The following GNA14 variants were observed in gnomAD, a reference collection of about 807,000 sequenced individuals.
GNA14 encodes the protein G protein subunit alpha 14.
GNA14 carries 50 observed loss-of-function variants against 42.0 expected under a neutral mutation model. The observed-to-expected ratio is 1.19, with a 90% CI of 0.95 to 1.51. The LOEUF (loss-of-function observed/expected upper bound fraction) is 1.51. GNA14 is among the 40% of genes most tolerant of loss of function. The probability of loss-of-function intolerance (pLI) is 0.00; values close to 1 mark genes in which losing one functional copy is unlikely to be tolerated. For synonymous variants in GNA14, 173 were observed against 163.1 expected (o/e 1.06, Z -0.46); for missense variants, 473 against 446.2 (o/e 1.06, Z -0.54).
chr9:77,646,440 C>T (rs1023044391), intron 1 of GNA14, among the ~76,000 whole-genome samples: 5 of 151,994 alleles, frequency 3.3e-5, no homozygotes, highest in African/African-American at 9.7e-5. Context: ...GGGCACACCC[C>T]CCCCCAACCC....
At chr9:77,541,723 C>T (rs1223262837) in intron 1 of GNA14, among the ~76,000 whole-genome samples, 3 of 151,720 alleles carry the variant, frequency 2.0e-5, no homozygotes, top group Non-Finnish European at 4.4e-5. Flanking sequence ...AAAGGCTTTG[C>T]ACTTTCTTTT....
intron 2 of GNA14, among the ~76,000 whole-genome samples, chr9:77,481,006 GATTC>G (rs1392865025): frequency 1.3e-5 from 2 of 151,950 alleles, no homozygotes; most frequent in Admixed American, 6.6e-5. Flanking sequence ...TCAGCTCCTG[GATTC>G]ATTAATTTTT....
intron 1 of GNA14, among the ~76,000 whole-genome samples, chr9:77,627,944 G>A (rs935132700): frequency 2.0e-5 from 3 of 152,202 alleles, no homozygotes; most frequent in Non-Finnish European, 1.5e-5. Context: ...AAGACAGGAA[G>A]TCAAATTGGC....
Position 77,626,697 on chromosome 9 carries a change from A to C in GNA14, c.124+20973T>G, listed in dbSNP as rs571891584. Among the ~76,000 whole-genome samples, 18 of 152,326 alleles carry C rather than the reference A, an allele frequency of 1.2e-4. No individual in the cohort carries two copies. The South Asian group carries it at 1.2e-3, about 11-fold the overall frequency. On this transcript the variant is annotated intron_variant, in intron 1 of 6. Transcript: ENST00000341700. ...TAAGTTATTTGAAAGCAATGAGTAC[A>C]CACAATGTACCAGAATCTCTGGGAT... is the stretch of plus-strand genomic sequence containing the variant.
intron 1 of GNA14, among the ~76,000 whole-genome samples, chr9:77,553,196 G>T (rs548435887): frequency 6.6e-6 from 1 of 152,216 alleles, no homozygotes. Context: ...TACTCCCCCA[G>T]CCCAGTTCTT....
At chr9:77,606,777 C>G (rs1823651153) in intron 1 of GNA14, among the ~76,000 whole-genome samples, 2 of 152,150 alleles carry the variant, frequency 1.3e-5, no homozygotes, top group Admixed American at 6.5e-5. Context: ...GTTTATGTCC[C>G]TCCCAAAGGT....
intron 1 of GNA14, among the ~76,000 whole-genome samples, chr9:77,544,829 A>G (rs1255265006): frequency 1.3e-5 from 2 of 152,218 alleles, no homozygotes; most frequent in African/African-American, 4.8e-5. Context: ...GCTTCTGAAA[A>G]TTAACATTTT....
intron 1 of GNA14, among the ~76,000 whole-genome samples, chr9:77,644,437 CAA>C (rs764737417): frequency 1.5e-3 from 52 of 34,008 alleles, no homozygotes; most frequent in South Asian, 0.012. Context: ...TAAAGAGTGT[CAA>C]AAAAAAAAAA....
Position 77,617,935 on chromosome 9 carries a change from G to C in GNA14, c.124+29735C>G, listed in dbSNP as rs1435191212. Among the ~76,000 whole-genome samples, 3 of 152,072 alleles carry C rather than the reference G, an allele frequency of 2.0e-5. No homozygotes were observed. In the East Asian group the frequency reaches 5.8e-4, roughly 29 times the overall value. ...GCAAAATTAGGCCCACCAGTTCCCA[G>C]GTCTCCAGCCTCCACTCTCTAATCT... On this transcript the variant is annotated intron_variant, in intron 1 of 6. Coordinates refer to ENST00000341700, the MANE Select transcript of GNA14 (RefSeq NM_004297.4).
intron 1 of GNA14, among the ~76,000 whole-genome samples, chr9:77,566,145 CT>C (rs956489720): frequency 0.039 from 4,011 of 102,480 alleles, 46 homozygotes; most frequent in African/African-American, 0.06. Flanking sequence ...GGGAGTGCTT[CT>C]TTTTTTTTTT....
intron 1 of GNA14, among the ~76,000 whole-genome samples, chr9:77,643,980 C>A (rs1824310404): frequency 6.6e-6 from 1 of 152,080 alleles, no homozygotes; most frequent in Admixed American, 6.6e-5. Flanking sequence ...GCAGACTGGG[C>A]TAAGAATCTA....
chr9:77,621,777 C>T (rs190316359), intron 1 of GNA14, among the ~76,000 whole-genome samples: 11 of 152,170 alleles, frequency 7.2e-5, no homozygotes, highest in Non-Finnish European at 1.5e-4. Flanking sequence ...GGGATGATTT[C>T]GTCGACTTTT....
intron 2 of GNA14, among the ~76,000 whole-genome samples, chr9:77,523,657 T>C (rs1464423964): frequency 6.6e-6 from 1 of 152,102 alleles, no homozygotes; most frequent in Non-Finnish European, 1.5e-5. Context: ...TAAATTTAAG[T>C]CCCGTGCAAA....
chr9:77,427,251 G>C (rs1030876757), intron 5 of GNA14, among the ~76,000 whole-genome samples: 1 of 151,670 alleles, frequency 6.6e-6, no homozygotes, highest in African/African-American at 2.4e-5. Flanking sequence ...AGTTTCCTGA[G>C]GAACGTCACA....
intron 2 of GNA14, among the ~76,000 whole-genome samples, chr9:77,501,253 C>T (rs1286787623): frequency 1.3e-5 from 2 of 152,194 alleles, no homozygotes; most frequent in Non-Finnish European, 2.9e-5. Context: ...CCACGCCCAG[C>T]TGCACTCTTA....
intron 1 of GNA14, among the ~76,000 whole-genome samples, chr9:77,620,848 C>CAAAAA (rs35141766): frequency 5.4e-5 from 4 of 74,044 alleles, no homozygotes; most frequent in African/African-American, 1.5e-4. Flanking sequence ...AATCTTGTCT[C>CAAAAA]AAAAAAAAAA....
chr9:77,460,569 G>A (rs1352668037), intron 2 of GNA14, among the ~76,000 whole-genome samples: 1 of 152,088 alleles, frequency 6.6e-6, no homozygotes, highest in Non-Finnish European at 1.5e-5. Flanking sequence ...CAATGACTGA[G>A]CCTTGGCTGG....
intron 1 of GNA14, among the ~76,000 whole-genome samples, chr9:77,585,347 G>T (rs1587838832): frequency 6.6e-6 from 1 of 152,110 alleles, no homozygotes; most frequent in Admixed American, 6.5e-5. Context: ...GTTTCCTTTT[G>T]TAAGGGAAAT....
At chr9:77,429,091 A>G (rs1205142528) in intron 4 of GNA14, 55 bp from the exon 5 acceptor site, 14 of 1,554,478 alleles carry the variant, frequency 9.0e-6, no homozygotes, top group African/African-American at 1.4e-5. Flanking sequence ...CACTTCGGGG[A>G]AAAAGGACAT....
Sources: allele counts gnomAD v4.1 joint callset (sites outside exome capture counted in the v4.1 genomes callset), GRCh38; gene constraint gnomAD v4.1.1; transcripts MANE v1.5; gene names NCBI Gene and HGNC (gene_info 2026-07-23, HGNC 2026-07-21).